Variants in GK5 observed in about 807,000 individuals in gnomAD.
The protein encoded by GK5 is glycerol kinase 5.
In GK5, 39 loss-of-function variants were observed where a neutral mutation model predicts 77.3. The ratio of observed to expected loss-of-function variants is 0.50; its 90% CI spans 0.39 to 0.66. The LOEUF (loss-of-function observed/expected upper bound fraction) is 0.66. Among genes scored for constraint, GK5 ranks in the 30% least tolerant of loss-of-function variants. The probability of loss-of-function intolerance (pLI) is 0.00; values close to 1 mark genes in which losing one functional copy is unlikely to be tolerated. For synonymous variants in GK5, 211 were observed against 208.0 expected (o/e 1.01, Z -0.13); for missense variants, 487 against 633.8 (o/e 0.77, Z 2.49).
rs1361985953 is a variant in GK5, at chr3:142,215,603, G to A, written c.237C>T (p.Val79=). 3.3e-6 allele frequency: 5 copies of A among 1,516,962 alleles called. No homozygotes were observed. Among genetic ancestry groups the A allele is most frequent in the Admixed American group, 1.7e-5 (1 of 58,350 alleles). The allele number at this position is 1,516,962 out of a possible 1,614,324, so 94.0% of individuals were successfully genotyped here. The change falls in exon 2 of 16, where the codon GTC becomes GTT. Residue 79 remains valine (V), a synonymous_variant. Transcript: ENST00000392993. ...IQFVAVIKEA[V]KAAGIQMNQI... ...TATTTTTATAAATCCAATTACCTTT[G>A]ACTGCTTCTTTTATTACGGCAACAA...
At chr3:142,221,791 A>C (rs1250746813) in intron 1 of GK5, among the ~76,000 whole-genome samples, 1 of 152,202 alleles carries the variant, frequency 6.6e-6, no homozygotes, top group East Asian at 1.9e-4. Context: ...TGTATATTTA[A>C]GAGTCCCTAA....
At chr3:142,175,533 T>A (rs547787441) in intron 12 of GK5, among the ~76,000 whole-genome samples, 56 of 152,366 alleles carry the variant, frequency 3.7e-4, no homozygotes, top group African/African-American at 1.3e-3. Context: ...TCTCTAGTTG[T>A]TCACATAGGC....
Position 142,165,478 on chromosome 3 carries a change from T to G in GK5, c.*144A>C. The G allele has an allele frequency of 1.7e-6, 1 of 583,496 alleles. No homozygotes were observed. The highest frequency in any genetic ancestry group is 2.8e-6 in the Non-Finnish European group (1 of 360,166). The allele number at this position is 583,496 out of a possible 1,614,324, so 36.1% of individuals were successfully genotyped here. On this transcript the variant is annotated 3_prime_UTR_variant, in exon 16 of 16. Transcript: ENST00000392993. ...AAGAGTTTTTTGTTCCGTTTTGTTTTTTTAAAAGCAATGCTTCTTAAGTTA... is the reference window on the plus strand; with the variant it reads ...AAGAGTTTTTTGTTCCGTTTTGTTTGTTTAAAAGCAATGCTTCTTAAGTTA...
chr3:142,170,498 A>G lies in GK5; in HGVS notation c.1308-40T>C, dbSNP rs772015469. 57 of 1,536,898 alleles carry G rather than the reference A, an allele frequency of 3.7e-5. 1 individual carries two copies. In the South Asian group the frequency reaches 6.7e-4, roughly 18 times the overall value. On this transcript the variant is annotated intron_variant, in intron 14 of 15. Coordinates refer to ENST00000392993, the MANE Select transcript of GK5 (RefSeq NM_001039547.3). ...ATATGTAAGATGAATTACTACAACA[A>G]AAGTATCATTCTTTTTCAGTGGGCC...
In GK5 at chr3:142,225,512, C is replaced by G; in HGVS notation, c.-57G>C. On this transcript the variant is annotated 5_prime_UTR_variant, in exon 1 of 16. Coordinates refer to ENST00000392993, the MANE Select transcript of GK5 (RefSeq NM_001039547.3). The stretch of plus-strand genomic sequence containing the variant: ...CCTACCCAGAGGGCGCGCTACAAAT[C>G]CCAATGCTCCAGAGTCCCCGGGCGG... 10 of 1,566,336 alleles carry G rather than the reference C, an allele frequency of 6.4e-6. No individual in the cohort carries two copies. Among genetic ancestry groups the G allele is most frequent in the Non-Finnish European group, 8.6e-6 (10 of 1,164,364 alleles).
chr3:142,194,055 A>C lies in GK5; in HGVS notation c.543+4747T>G, dbSNP rs116566313. Reference sequence around the variant, plus strand: ...TGCGTCCAGCCAAAATTGTTTTCTTAATTTCACTTTCTAGTGTTCATTGCT... The same window carrying C: ...TGCGTCCAGCCAAAATTGTTTTCTTCATTTCACTTTCTAGTGTTCATTGCT... On this transcript the variant is annotated intron_variant, in intron 5 of 15. Coordinates refer to ENST00000392993, the MANE Select transcript of GK5 (RefSeq NM_001039547.3). 3.8e-3 allele frequency among the ~76,000 whole-genome samples: 584 copies of C among 151,972 alleles called. 1 individual carries two copies. Among genetic ancestry groups the C allele is most frequent in the Admixed American group, 7.9e-3 (121 of 15,258 alleles).
intron 1 of GK5, among the ~76,000 whole-genome samples, chr3:142,219,926 G>A (rs934823042): frequency 2.0e-5 from 3 of 152,152 alleles, no homozygotes; most frequent in African/African-American, 7.2e-5. Context: ...CTGTGGCCAC[G>A]CCACTGCACT....
At chr3:142,208,896 T>A (rs987412744) in intron 3 of GK5, among the ~76,000 whole-genome samples, 11 of 152,190 alleles carry the variant, frequency 7.2e-5, no homozygotes, top group African/African-American at 2.7e-4. Context: ...ACGCCTGTAA[T>A]CCCAGCACTT....
intron 14 of GK5, among the ~76,000 whole-genome samples, chr3:142,170,778 T>C (rs1045861276): frequency 2.7e-4 from 37 of 136,578 alleles, no homozygotes; most frequent in African/African-American, 1.1e-3. Flanking sequence ...AGAAGTTTGA[T>C]GCTTACATGC....
intron 7 of GK5, 29 bp from the exon 8 acceptor site, chr3:142,186,296 T>C (rs2063768988): frequency 1.5e-6 from 2 of 1,313,578 alleles, no homozygotes; most frequent in Non-Finnish European, 2.2e-6. Flanking sequence ...CATCAGAATA[T>C]ACATATTTAC....
chr3:142,211,392 G>C (rs1193023075), intron 3 of GK5, among the ~76,000 whole-genome samples: 3 of 152,202 alleles, frequency 2.0e-5, no homozygotes, highest in Non-Finnish European at 4.4e-5. Flanking sequence ...TACTGTATAA[G>C]ATTTATTTAA....
intron 5 of GK5, among the ~76,000 whole-genome samples, chr3:142,188,487 C>T (rs1251589724): frequency 3.3e-5 from 5 of 152,190 alleles, no homozygotes; most frequent in African/African-American, 1.2e-4. Context: ...TGAGCCGAGA[C>T]TGCACTCCAG....
intron 1 of GK5, 57 bp downstream of exon 1, chr3:142,225,252 C>G (rs2064411198): frequency 6.8e-7 from 1 of 1,472,826 alleles, no homozygotes; most frequent in Non-Finnish European, 9.0e-7. Context: ...CGAGGCCGGA[C>G]CCCGGGACTC....
intron 1 of GK5, among the ~76,000 whole-genome samples, chr3:142,217,042 A>T (rs2064283907): frequency 6.6e-6 from 1 of 152,256 alleles, no homozygotes; most frequent in Admixed American, 6.5e-5. Context: ...TACAATCCAA[A>T]ACTACAAGGT....
At chr3:142,183,229 TC>T in intron 9 of GK5, 180 bp from the exon 10 acceptor site, 1 of 520,538 alleles carries the variant, frequency 1.9e-6, no homozygotes, top group South Asian at 3.0e-5. Flanking sequence ...GATAGGAGTC[TC>T]CCTAGGACTA....
chr3:142,166,879 G>T (rs1352803105), intron 15 of GK5, among the ~76,000 whole-genome samples: 2 of 152,104 alleles, frequency 1.3e-5, no homozygotes, highest in Non-Finnish European at 2.9e-5. Context: ...AATGATACAG[G>T]TATCTTATTA....
In GK5 at chr3:142,182,936, T is replaced by C. The variant is rs1334754371; in HGVS notation, c.930A>G (p.Gln310=). ...CTAACTACTTACCTCCAGTAGTCTG[T>C]TGAAGGCTATTTCCAGTGTTAATAT... is the stretch of plus-strand genomic sequence containing the variant. ...FLDINTGNSL[Q]QTTGGFYPLI... Residue 310 remains glutamine, a synonymous_variant, in exon 10 of 16, where the codon CAA becomes CAG. Transcript: ENST00000392993. 6.2e-7 allele frequency: 1 copy of C among 1,609,388 alleles called. No homozygotes were observed. Among genetic ancestry groups the C allele is most frequent in the African/African-American group, 1.3e-5 (1 of 74,950 alleles).
chr3:142,202,045 G>A (rs1357661920), intron 4 of GK5, among the ~76,000 whole-genome samples: 3 of 152,088 alleles, frequency 2.0e-5, no homozygotes, highest in Non-Finnish European at 4.4e-5. Flanking sequence ...GAGAGACCCC[G>A]TGCATGTACA....
chr3:142,204,434 C>G (rs1158269813), intron 4 of GK5: 2 of 487,234 alleles, frequency 4.1e-6, no homozygotes, highest in African/African-American at 3.9e-5. Flanking sequence ...TTTTCCATTT[C>G]TCAAGGACAG....
Sources: gnomAD v4.1 joint callset for allele counts (sites outside exome capture counted in the v4.1 genomes callset) on GRCh38, gnomAD v4.1.1 for gene constraint, MANE v1.5 for transcripts, NCBI Gene and HGNC (gene_info 2026-07-23, HGNC 2026-07-21) for gene names.